The following STYXL2 variants were observed in gnomAD, a reference collection of about 807,000 sequenced individuals.
STYXL2 encodes serine/threonine/tyrosine-interacting-like protein 2.
Under a neutral mutation model 52.4 loss-of-function variants are expected in STYXL2, and 44 were observed. The observed-to-expected ratio is 0.84, with a 90% CI of 0.66 to 1.08. The LOEUF (loss-of-function observed/expected upper bound fraction) is 1.08, where lower values mean the gene tolerates loss of function less well. Among genes scored for constraint, STYXL2 ranks in the 50% least tolerant of loss-of-function variants. The probability of loss-of-function intolerance (pLI) is 0.00; values close to 1 mark genes in which losing one functional copy is unlikely to be tolerated. For missense variants in STYXL2, 1,604 were observed against 1,471.7 expected (o/e 1.09, Z -1.47); for synonymous variants, 604 against 586.9 (o/e 1.03, Z -0.42).
rs1668020726 is a variant in STYXL2 at position 167,128,292 on chromosome 1, C to CCCTAACCCTAA, written c.3163_3164insTAACCCTAACC (p.Pro1055LeufsTer43). The CCCTAACCCTAA allele has an allele frequency of 6.2e-7, 1 of 1,614,010 alleles. No individual in the cohort carries two copies. The highest frequency in any genetic ancestry group is 8.5e-7 in the Non-Finnish European group (1 of 1,180,030). ...CCAGAGTCCTCAGAAAGGGAAGAGT[C>CCCTAACCCTAA]CCCAGAACCACAGCGCCCAAATTGG... On this transcript the variant is annotated frameshift_variant, in exon 6 of 6. Coordinates refer to ENST00000361200, the MANE Select transcript of STYXL2 (RefSeq NM_001080426.3). LOFTEE classifies it high-confidence loss of function.
chr1:167,126,241 T>C lies in STYXL2; in HGVS notation c.1110T>C (p.Gly370=). 1 of 1,542,476 alleles carries C rather than the reference T, an allele frequency of 6.5e-7. No homozygotes were observed. The highest frequency in any genetic ancestry group is 1.3e-5 in the South Asian group (1 of 78,338). Residue 370 remains glycine (G), a synonymous_variant, in exon 6 of 6, where the codon GGT becomes GGC. Transcript: ENST00000361200. The stretch of plus-strand genomic sequence containing the variant: ...CAGACAAGGTCCCCCAGGATGGAGG[T>C]GGCTGGCGCTCAGCCTCCTCTGGCC... ...LLSDKVPQDG[G]GWRSASSGQG...
intron 5 of STYXL2, among the ~76,000 whole-genome samples, chr1:167,120,877 T>C (rs1553248566): frequency 8.7e-5 from 8 of 91,468 alleles, no homozygotes; most frequent in African/African-American, 2.7e-4. Flanking sequence ...TATATATATA[T>C]ATATATATAC....
chr1:167,104,415 T>C (rs1042901423), intron 2 of STYXL2, among the ~76,000 whole-genome samples: 1 of 152,200 alleles, frequency 6.6e-6, no homozygotes. Flanking sequence ...ACGGTGACAC[T>C]GTTTCCCTTG....
chr1:167,112,257 G>A (rs1208141946), intron 2 of STYXL2, among the ~76,000 whole-genome samples: 4 of 152,130 alleles, frequency 2.6e-5, no homozygotes, highest in Non-Finnish European at 4.4e-5. Flanking sequence ...GGTTGCCTAG[G>A]CAGGTCTGGC....
At chr1:167,099,734 A>T (rs541517657) in intron 2 of STYXL2, among the ~76,000 whole-genome samples, 7 of 152,230 alleles carry the variant, frequency 4.6e-5, no homozygotes, top group Non-Finnish European at 1.0e-4. Context: ...AAAGCTAAAC[A>T]TATGGTTGTC....
intron 5 of STYXL2, among the ~76,000 whole-genome samples, chr1:167,123,316 G>T (rs938052196): frequency 6.6e-6 from 1 of 152,200 alleles, no homozygotes; most frequent in Non-Finnish European, 1.5e-5. Flanking sequence ...GTCCCAGTGT[G>T]CTAGGAACAC....
rs1667989055 is a variant in STYXL2 at position 167,127,035 on chromosome 1, A to G, written c.1904A>G (p.Gln635Arg). 1 of 1,607,760 alleles carries G rather than the reference A, an allele frequency of 6.2e-7. No individual in the cohort carries two copies. Among genetic ancestry groups the G allele is most frequent in the African/African-American group, 1.3e-5 (1 of 74,962 alleles). Residue 635 changes from glutamine to arginine, a missense_variant, in exon 6 of 6, where the codon CAG (glutamine) becomes CGG (arginine). Coordinates refer to ENST00000361200, the MANE Select transcript of STYXL2 (RefSeq NM_001080426.3). ...CTGGAGCTGCTGGAGAGAAGCCGGCAGACGCTGGAGGAGAGCCAGTCTATG... is the reference window on the plus strand; with the variant it reads ...CTGGAGCTGCTGGAGAGAAGCCGGCGGACGCTGGAGGAGAGCCAGTCTATG... ...RRLELLERSR[Q>R]TLEESQSMAS... is the part of the protein sequence containing the mutation.
chr1:167,123,946 C>T (rs1445655679), intron 5 of STYXL2, among the ~76,000 whole-genome samples: 1 of 151,768 alleles, frequency 6.6e-6, no homozygotes, highest in East Asian at 2.0e-4. Context: ...GAGACAGGGT[C>T]TCATTCTGTT....
rs753536435 is a variant in STYXL2, at chr1:167,126,820, G to A, written c.1689G>A (p.Ala563=). The change falls in exon 6 of 6, where the codon GCG becomes GCA. Residue 563 remains alanine (A), a synonymous_variant. Transcript: ENST00000361200. ...GATTTCACAAGAAAGACTTGGGAGC[G>A]GGAGACAGCAGCGGTGAGCCCGGTG... is the stretch of plus-strand genomic sequence containing the variant. ...QFGFHKKDLG[A]GDSSGEPGAE... 28 of 1,614,092 alleles carry A rather than the reference G, an allele frequency of 1.7e-5. No homozygotes were observed. The highest frequency in any genetic ancestry group is 9.9e-5 in the South Asian group (9 of 91,090).
chr1:167,107,076 G>A (rs963678597), intron 2 of STYXL2, among the ~76,000 whole-genome samples: 1 of 152,262 alleles, frequency 6.6e-6, no homozygotes, highest in Admixed American at 6.5e-5. Flanking sequence ...TGGGCTGCAA[G>A]GTCCATTTCT....
chr1:167,095,178 G>A (rs573200996), intron 2 of STYXL2, among the ~76,000 whole-genome samples: 385 of 149,810 alleles, frequency 2.6e-3, no homozygotes, highest in Non-Finnish European at 4.2e-3. Context: ...ATATGACCAG[G>A]ATCTAGTATG....
chr1:167,120,065 G>C (rs1424196533), intron 5 of STYXL2, among the ~76,000 whole-genome samples: 1 of 152,230 alleles, frequency 6.6e-6, no homozygotes, highest in Non-Finnish European at 1.5e-5. Context: ...AAAAGCCAGG[G>C]TAAGAAGTTG....
intron 1 of STYXL2, 99 bp from the exon 2 acceptor site, chr1:167,094,735 T>A (rs1442671084): frequency 6.3e-6 from 5 of 797,398 alleles, no homozygotes; most frequent in Non-Finnish European, 1.0e-5. Context: ...ACCTTCCTAG[T>A]CCTAGTTCCA....
intron 5 of STYXL2, among the ~76,000 whole-genome samples, chr1:167,120,183 A>G (rs1667821163): frequency 6.6e-6 from 1 of 152,206 alleles, no homozygotes; most frequent in African/African-American, 2.4e-5. Flanking sequence ...TGCTATTGCT[A>G]TATCCAAGTG....
intron 2 of STYXL2, among the ~76,000 whole-genome samples, chr1:167,097,423 A>G (rs970529006): frequency 3.9e-5 from 6 of 152,208 alleles, no homozygotes; most frequent in Admixed American, 1.3e-4. Context: ...ATAGTTTTCA[A>G]TCCTGATTCA....
Position 167,124,519 on chromosome 1 carries a change from A to G in STYXL2, c.656-1268A>G, listed in dbSNP as rs534850978. On this transcript the variant is annotated intron_variant, in intron 5 of 5. Transcript: ENST00000361200. ...GCATTTTAAACAGCTATTACAATGA[A>G]GGCATAGGAGGCATATTTGTCACAT... Among the ~76,000 whole-genome samples the G allele has an allele frequency of 3.2e-4, 49 of 152,312 alleles. 1 individual carries two copies. Among genetic ancestry groups the G allele is most frequent in the African/African-American group, 1.1e-3 (45 of 41,560 alleles).
At chr1:167,122,138 A>G (rs1393472562) in intron 5 of STYXL2, among the ~76,000 whole-genome samples, 1 of 152,008 alleles carries the variant, frequency 6.6e-6, no homozygotes, top group Non-Finnish European at 1.5e-5. Flanking sequence ...GTGACTTTGT[A>G]TGGTGCACGG....
chr1:167,118,581 T>C (rs1288128731), intron 4 of STYXL2, among the ~76,000 whole-genome samples: 1 of 152,192 alleles, frequency 6.6e-6, no homozygotes, highest in African/African-American at 2.4e-5. Flanking sequence ...TCGCCAGGTA[T>C]CCTCAGCTAA....
intron 2 of STYXL2, among the ~76,000 whole-genome samples, chr1:167,102,286 A>C (rs2102224027): frequency 6.8e-6 from 1 of 146,012 alleles, no homozygotes; most frequent in South Asian, 2.1e-4. Flanking sequence ...TATATCAATA[A>C]TAAAGCTGTT....
Sources: allele counts gnomAD v4.1 joint callset (sites outside exome capture counted in the v4.1 genomes callset), GRCh38; gene constraint gnomAD v4.1.1; transcripts MANE v1.5; gene names NCBI Gene and HGNC (gene_info 2026-07-23, HGNC 2026-07-21).